RCAN2: variants seen among roughly 807,000 people sequenced by gnomAD.
RCAN2 encodes calcipressin-2.
A neutral mutation model predicts 23.6 loss-of-function variants in RCAN2; 9 were observed. The ratio of observed to expected loss-of-function variants is 0.38; its 90% CI spans 0.23 to 0.67. The LOEUF (loss-of-function observed/expected upper bound fraction) is 0.67, where lower values mean the gene tolerates loss of function less well. Among genes scored for constraint, RCAN2 ranks in the 30% least tolerant of loss-of-function variants. RCAN2 has a pLI of 0.51. For synonymous variants in RCAN2, 109 were observed against 115.7 expected (o/e 0.94, Z 0.37); for missense variants, 273 against 302.3 (o/e 0.90, Z 0.72).
chr6:46,288,754 T>G (rs1220042553), intron 2 of RCAN2, among the ~76,000 whole-genome samples: 1 of 152,252 alleles, frequency 6.6e-6, no homozygotes, highest in African/African-American at 2.4e-5. Flanking sequence ...CTTAGCTTTG[T>G]CTCTTTCTGT....
chr6:46,471,117 G>C (rs1192087033), intron 1 of RCAN2, among the ~76,000 whole-genome samples: 1 of 152,198 alleles, frequency 6.6e-6, no homozygotes, highest in Non-Finnish European at 1.5e-5. Context: ...GAGTGTACAA[G>C]ATGGGTTCAG....
chr6:46,390,975 C>T (rs1229161872), intron 2 of RCAN2, among the ~76,000 whole-genome samples: 1 of 152,040 alleles, frequency 6.6e-6, no homozygotes, highest in Non-Finnish European at 1.5e-5. Flanking sequence ...TTGGGGCAGC[C>T]TGGGCAGACA....
intron 2 of RCAN2, among the ~76,000 whole-genome samples, chr6:46,441,413 C>T (rs1767542167): frequency 6.6e-6 from 1 of 152,152 alleles, no homozygotes; most frequent in Admixed American, 6.6e-5. Flanking sequence ...GGAGGTTGCT[C>T]TTCCAACCTC....
chr6:46,333,198 T>C (rs558616008), intron 2 of RCAN2, among the ~76,000 whole-genome samples: 1 of 152,322 alleles, frequency 6.6e-6, no homozygotes, highest in Admixed American at 6.5e-5. Context: ...TTGTAGATTC[T>C]GGATATTAGC....
chr6:46,382,383 T>C (rs2150394010), intron 2 of RCAN2, among the ~76,000 whole-genome samples: 1 of 152,302 alleles, frequency 6.6e-6, no homozygotes, highest in Admixed American at 6.5e-5. Context: ...TAATGGAAAC[T>C]ACATACAGCT....
chr6:46,405,777 C>G (rs958021061), intron 2 of RCAN2, among the ~76,000 whole-genome samples: 3 of 152,230 alleles, frequency 2.0e-5, no homozygotes, highest in Non-Finnish European at 4.4e-5. Flanking sequence ...ACTCCTCAGC[C>G]CTTGGGTGGT....
At chr6:46,431,139 CTGTG>C (rs3084652) in intron 2 of RCAN2, among the ~76,000 whole-genome samples, 3 of 151,186 alleles carry the variant, frequency 2.0e-5, no homozygotes, top group African/African-American at 7.3e-5. Flanking sequence ...ATGTGTGTGT[CTGTG>C]TGTGTGTGTG....
At chr6:46,341,642 A>T (rs1410268813) in intron 2 of RCAN2, among the ~76,000 whole-genome samples, 1 of 150,950 alleles carries the variant, frequency 6.6e-6, no homozygotes, top group Non-Finnish European at 1.5e-5. Context: ...TACTAAAAAT[A>T]CAAAAAATAG....
intron 2 of RCAN2, among the ~76,000 whole-genome samples, chr6:46,442,828 G>A (rs1209162018): frequency 1.3e-5 from 2 of 152,064 alleles, no homozygotes; most frequent in African/African-American, 2.4e-5. Context: ...CTTGGGCCCC[G>A]GGGGTCACTC....
At chr6:46,341,792 T>C (rs1055791561) in intron 2 of RCAN2, among the ~76,000 whole-genome samples, 2 of 121,718 alleles carry the variant, frequency 1.6e-5, no homozygotes, top group Non-Finnish European at 3.9e-5. Flanking sequence ...AGCAAGACTC[T>C]GTCCCAAAAA....
chr6:46,307,553 T>C (rs544841382), intron 2 of RCAN2, among the ~76,000 whole-genome samples: 1 of 152,164 alleles, frequency 6.6e-6, no homozygotes, highest in African/African-American at 2.4e-5. Context: ...CATTTATTCA[T>C]TTATTTATTC....
intron 4 of RCAN2, among the ~76,000 whole-genome samples, chr6:46,239,602 C>T (rs1766230692): frequency 6.6e-6 from 1 of 152,128 alleles, no homozygotes; most frequent in Admixed American, 6.6e-5. Context: ...TTGGGGTTCT[C>T]TTTCCTTTCC....
At chr6:46,419,420 G>C (rs998973003) in intron 2 of RCAN2, among the ~76,000 whole-genome samples, 1 of 152,106 alleles carries the variant, frequency 6.6e-6, no homozygotes, top group African/African-American at 2.4e-5. Context: ...TCCACACACA[G>C]AGTACCGGAG....
intron 2 of RCAN2, among the ~76,000 whole-genome samples, chr6:46,331,419 G>A (rs1295793827): frequency 2.0e-5 from 3 of 151,940 alleles, no homozygotes; most frequent in Non-Finnish European, 2.9e-5. Flanking sequence ...CATATGTGAT[G>A]GTTAACCATA....
At chr6:46,369,111 C>CTTGT (rs1765255505) in intron 2 of RCAN2, among the ~76,000 whole-genome samples, 1 of 151,770 alleles carries the variant, frequency 6.6e-6, no homozygotes, top group African/African-American at 2.4e-5. Context: ...AAAACTAAGA[C>CTTGT]ACAAACACAC....
intron 2 of RCAN2, among the ~76,000 whole-genome samples, chr6:46,364,937 T>C (rs796727669): frequency 6.6e-6 from 1 of 152,158 alleles, no homozygotes; most frequent in South Asian, 2.1e-4. Flanking sequence ...TCCCTCTACC[T>C]GGAATGCTCT....
intron 1 of RCAN2, among the ~76,000 whole-genome samples, chr6:46,463,302 G>A (rs1266703154): frequency 1.3e-5 from 2 of 152,220 alleles, no homozygotes; most frequent in Non-Finnish European, 2.9e-5. Flanking sequence ...AATTCTGAAA[G>A]AGCAAATACA....
At chr6:46,398,246 C>T (rs1349597758) in intron 2 of RCAN2, among the ~76,000 whole-genome samples, 1 of 152,068 alleles carries the variant, frequency 6.6e-6, no homozygotes. Context: ...CATTGTTTTT[C>T]TTCTTTTGAC....
chr6:46,408,759 C>A (rs895923346), intron 2 of RCAN2, among the ~76,000 whole-genome samples: 3 of 152,068 alleles, frequency 2.0e-5, no homozygotes, highest in Non-Finnish European at 2.9e-5. Flanking sequence ...AGAGGCTTGG[C>A]AAGGAAACAA....
Sources: allele counts gnomAD v4.1 joint callset (sites outside exome capture counted in the v4.1 genomes callset), GRCh38; gene constraint gnomAD v4.1.1; transcripts MANE v1.5; gene names NCBI Gene and HGNC (gene_info 2026-07-23, HGNC 2026-07-21).